The following HMGCLL1 variants were observed in gnomAD, a reference collection of about 807,000 sequenced individuals.
HMGCLL1 encodes 3-hydroxymethyl-3-methylglutaryl-CoA lyase, cytoplasmic.
Under a neutral mutation model 39.1 loss-of-function variants are expected in HMGCLL1, and 36 were observed. That is an observed-to-expected ratio of 0.92 (90% CI 0.71 to 1.22). The LOEUF (loss-of-function observed/expected upper bound fraction) is 1.22. HMGCLL1 is among the 50% of genes most tolerant of loss of function. The probability of loss-of-function intolerance (pLI) is 0.00; values close to 1 mark genes in which losing one functional copy is unlikely to be tolerated. For synonymous variants in HMGCLL1, 149 were observed against 144.0 expected (o/e 1.03, Z -0.25); for missense variants, 451 against 416.5 (o/e 1.08, Z -0.72).
At chr6:55,643,705 C>A in the HMGCLL1 span, among the ~76,000 whole-genome samples, 1 of 151,862 alleles carries the variant, frequency 6.6e-6, no homozygotes, top group African/African-American at 2.4e-5. Context: ...TGAGAACATG[C>A]AATGTTTGTC....
chr6:55,492,190 C>A (rs1007911237), intron 7 of HMGCLL1, among the ~76,000 whole-genome samples: 1 of 152,186 alleles, frequency 6.6e-6, no homozygotes, highest in Non-Finnish European at 1.5e-5. Context: ...TTACTAGAAG[C>A]CACTTCAAAG....
intron 7 of HMGCLL1, among the ~76,000 whole-genome samples, chr6:55,448,507 A>G (rs114464137): frequency 0.06 from 9,152 of 151,972 alleles, 384 homozygotes; most frequent in Non-Finnish European, 0.09. Context: ...TTTAGGACAA[A>G]TGAACTTTAT....
At chr6:55,575,495 A>T (rs866497789) in intron 1 of HMGCLL1, among the ~76,000 whole-genome samples, 1 of 152,296 alleles carries the variant, frequency 6.6e-6, no homozygotes. Flanking sequence ...TTGCACACAC[A>T]AAACCATGGA....
intron 7 of HMGCLL1, among the ~76,000 whole-genome samples, chr6:55,488,361 CT>C (rs1159246971): frequency 1.3e-5 from 2 of 151,996 alleles, no homozygotes; most frequent in Non-Finnish European, 2.9e-5. Context: ...ATACATACAA[CT>C]TCCTGACTAT....
rs1256323752 is a variant in HMGCLL1 at position 55,568,922 on chromosome 6, A to G, written c.108+10026T>C. 2.0e-5 allele frequency among the ~76,000 whole-genome samples: 3 copies of G among 152,010 alleles called. No homozygotes were observed. In the East Asian group the frequency reaches 5.8e-4, roughly 29 times the overall value. The stretch of plus-strand genomic sequence containing the variant: ...ATAGACACAGAAAGAAGAAAGGGTC[A>G]GGGAAAGTTACAGCACAGAGTGAAT... On this transcript the variant is annotated intron_variant, in intron 1 of 8. Transcript: ENST00000274901.
the HMGCLL1 span, among the ~76,000 whole-genome samples, chr6:55,649,903 A>G: frequency 6.6e-6 from 1 of 151,042 alleles, no homozygotes; most frequent in African/African-American, 2.4e-5. Flanking sequence ...TGTCAGTTGC[A>G]TCTTTCTACT....
chr6:55,537,030 G>A (rs12193675), intron 3 of HMGCLL1, among the ~76,000 whole-genome samples: 43,667 of 151,992 alleles, frequency 0.29, 7,795 homozygotes, highest in Non-Finnish European at 0.38. Flanking sequence ...CAATATATAT[G>A]TAAGCTGTTG....
At chr6:55,558,067 T>A (rs1770764162) in intron 1 of HMGCLL1, among the ~76,000 whole-genome samples, 1 of 152,120 alleles carries the variant, frequency 6.6e-6, no homozygotes, top group African/African-American at 2.4e-5. Flanking sequence ...TTAGGAAAGG[T>A]CCGCAAAATG....
chr6:55,669,450 A>G, the HMGCLL1 span, among the ~76,000 whole-genome samples: 4 of 151,904 alleles, frequency 2.6e-5, no homozygotes, highest in Non-Finnish European at 5.9e-5. Flanking sequence ...CAATATTCAA[A>G]ATGCCCAGTA....
At chr6:55,632,500 T>A in the HMGCLL1 span, among the ~76,000 whole-genome samples, 2 of 151,512 alleles carry the variant, frequency 1.3e-5, no homozygotes, top group Non-Finnish European at 1.5e-5. Flanking sequence ...TAGGTCAGAA[T>A]GTATTACTCA....
chr6:55,623,394 C>T, the HMGCLL1 span, among the ~76,000 whole-genome samples: 1 of 151,808 alleles, frequency 6.6e-6, no homozygotes, highest in Non-Finnish European at 1.5e-5. Context: ...GCTCTAAACT[C>T]TCCTCTTGGT....
intron 3 of HMGCLL1, among the ~76,000 whole-genome samples, chr6:55,521,912 C>T (rs919861944): frequency 2.0e-5 from 3 of 151,940 alleles, no homozygotes; most frequent in African/African-American, 7.2e-5. Context: ...GCCTCTTATG[C>T]CAAACAGTTA....
intron 3 of HMGCLL1, among the ~76,000 whole-genome samples, chr6:55,541,164 C>T (rs1233349195): frequency 6.6e-6 from 1 of 152,084 alleles, no homozygotes; most frequent in Non-Finnish European, 1.5e-5. Flanking sequence ...GTAATGACTG[C>T]TGCCACATGC....
intron 5 of HMGCLL1, chr6:55,513,280 T>G (rs1332319197): frequency 6.6e-6 from 1 of 152,124 alleles, no homozygotes; most frequent in Non-Finnish European, 1.5e-5. Context: ...TTGTGGATCT[T>G]GGGTCAGTTT....
the HMGCLL1 span, among the ~76,000 whole-genome samples, chr6:55,597,959 G>GCT: frequency 6.6e-6 from 1 of 152,050 alleles, no homozygotes. Flanking sequence ...ATTCATTGTA[G>GCT]AAGGATTAGA....
At chr6:55,627,880 C>T in the HMGCLL1 span, among the ~76,000 whole-genome samples, 1 of 26,368 alleles carries the variant, frequency 3.8e-5, no homozygotes, top group Admixed American at 5.8e-4. Flanking sequence ...AATAAACTCC[C>T]TTATATATAT....
At chr6:55,674,720 G>T in the HMGCLL1 span, among the ~76,000 whole-genome samples, 1 of 152,024 alleles carries the variant, frequency 6.6e-6, no homozygotes, top group Non-Finnish European at 1.5e-5. Context: ...AAGGGTAATA[G>T]GACCTGTGAG....
intron 7 of HMGCLL1, among the ~76,000 whole-genome samples, chr6:55,441,944 G>A (rs1231180971): frequency 1.3e-5 from 2 of 152,020 alleles, no homozygotes; most frequent in Non-Finnish European, 2.9e-5. Flanking sequence ...CCCCTCCTCA[G>A]CCTCCCAAAG....
the HMGCLL1 span, among the ~76,000 whole-genome samples, chr6:55,589,307 G>A: frequency 3.3e-5 from 5 of 151,104 alleles, no homozygotes; most frequent in Non-Finnish European, 7.4e-5. Context: ...CAAAAACCAC[G>A]ATTATCTCAA....
Sources: allele counts gnomAD v4.1 joint callset (sites outside exome capture counted in the v4.1 genomes callset), GRCh38; gene constraint gnomAD v4.1.1; transcripts MANE v1.5; gene names NCBI Gene and HGNC (gene_info 2026-07-23, HGNC 2026-07-21).